Variants in PRR33 observed in about 807,000 individuals in gnomAD.
The protein encoded by PRR33 is proline-rich protein 33.
Under a neutral mutation model 0.5 loss-of-function variants are expected in PRR33, and 1 was observed. The ratio of observed to expected loss-of-function variants is 2.18; its 90% CI spans 0.77 to 10.34. The LOEUF (loss-of-function observed/expected upper bound fraction) is 10.34. Among genes scored for constraint, PRR33 ranks in the 30% most tolerant of loss-of-function variants. PRR33 has a pLI of 0.13. For synonymous variants in PRR33, 226 were observed against 110.0 expected (o/e 2.06, Z -6.60); for missense variants, 552 against 251.8 (o/e 2.19, Z -8.07).
chr11:1,913,303 T>G, the PRR33 span, among the ~76,000 whole-genome samples: 1 of 78,134 alleles, frequency 1.3e-5, no homozygotes, highest in Non-Finnish European at 2.8e-5. Context: ...ACTTTTTTGT[T>G]TTTTTTTTTT....
upstream of PRR33, among the ~76,000 whole-genome samples, chr11:1,895,236 G>A (rs1456962704): frequency 2.0e-5 from 3 of 152,124 alleles, no homozygotes; most frequent in Middle Eastern, 3.4e-3. Context: ...GGGTTCAAGC[G>A]ATTCTCCTGC....
chr11:1,895,427 G>C (rs1849113895), upstream of PRR33, among the ~76,000 whole-genome samples: 1 of 152,160 alleles, frequency 6.6e-6, no homozygotes, highest in Non-Finnish European at 1.5e-5. Flanking sequence ...GCCACCGTGA[G>C]AGTTCTTTGT....
the PRR33 span, among the ~76,000 whole-genome samples, chr11:1,907,638 T>C: frequency 1.3e-5 from 2 of 152,180 alleles, no homozygotes; most frequent in African/African-American, 4.8e-5. Flanking sequence ...CGTCTCGAAC[T>C]CCTAACCTCA....
the PRR33 span, among the ~76,000 whole-genome samples, chr11:1,909,061 C>T: frequency 6.6e-6 from 1 of 152,204 alleles, no homozygotes; most frequent in Non-Finnish European, 1.5e-5. Flanking sequence ...TAGGAAGAGC[C>T]CCCATCTACC....
the PRR33 span, among the ~76,000 whole-genome samples, chr11:1,914,507 C>T: frequency 6.9e-6 from 1 of 144,852 alleles, no homozygotes; most frequent in Non-Finnish European, 1.5e-5. Context: ...GTTGTGTAGT[C>T]ACACACCAGG....
the PRR33 span, among the ~76,000 whole-genome samples, chr11:1,914,757 T>C: frequency 7.0e-5 from 10 of 142,678 alleles, 1 homozygote; most frequent in Admixed American, 7.1e-4. Flanking sequence ...ACACCTGGGA[T>C]GTTTCTGTGT....
the PRR33 span, among the ~76,000 whole-genome samples, chr11:1,909,483 C>A: frequency 6.6e-6 from 1 of 152,138 alleles, no homozygotes; most frequent in Non-Finnish European, 1.5e-5. Flanking sequence ...TGGTGGCACG[C>A]GCCTGTAATC....
exon 1 of PRR33, chr11:1,889,682 G>A: frequency 1.6e-6 from 1 of 635,422 alleles, no homozygotes; most frequent in South Asian, 1.8e-5. Context: ...CAGCGGCGGG[G>A]CCAGCCATCG....
chr11:1,916,250 G>A, the PRR33 span, among the ~76,000 whole-genome samples: 1 of 152,108 alleles, frequency 6.6e-6, no homozygotes. Context: ...CCTTCGAGGA[G>A]CAGCACCCCA....
upstream of PRR33, among the ~76,000 whole-genome samples, chr11:1,894,769 A>C (rs1406992697): frequency 6.6e-6 from 1 of 152,152 alleles, no homozygotes; most frequent in Non-Finnish European, 1.5e-5. Context: ...TAATGTGGCC[A>C]TTTACATTCA....
the PRR33 span, among the ~76,000 whole-genome samples, chr11:1,898,265 C>T: frequency 4.6e-5 from 7 of 150,988 alleles, no homozygotes; most frequent in Admixed American, 3.3e-4. Context: ...GACCGAGTCT[C>T]GCTCCGTCGG....
chr11:1,905,135 T>A, the PRR33 span, among the ~76,000 whole-genome samples: 3 of 144,732 alleles, frequency 2.1e-5, no homozygotes, highest in Non-Finnish European at 4.5e-5. Context: ...TTTTTTTTTT[T>A]TTTTTTTTGG....
chr11:1,909,335 G>A, the PRR33 span, among the ~76,000 whole-genome samples: 3 of 152,064 alleles, frequency 2.0e-5, no homozygotes, highest in East Asian at 1.9e-4. Flanking sequence ...AGTTGGGGCC[G>A]GGCGCGGTGG....
chr11:1,894,369 G>A (rs1198005691), upstream of PRR33, among the ~76,000 whole-genome samples: 3 of 152,146 alleles, frequency 2.0e-5, no homozygotes, highest in Middle Eastern at 3.2e-3. Context: ...AAGTAGCTGG[G>A]ACCGCAGGTG....
the PRR33 span, among the ~76,000 whole-genome samples, chr11:1,897,067 G>T: frequency 2.0e-5 from 3 of 152,200 alleles, no homozygotes; most frequent in Non-Finnish European, 1.5e-5. This position sits in a 1 kb window ranked among gnomAD's most constrained non-coding sequence, Gnocchi z 4.0. Context: ...CACAGAAACC[G>T]CCAGAGGGGC....
chr11:1,911,184 T>A, the PRR33 span, among the ~76,000 whole-genome samples: 9 of 152,242 alleles, frequency 5.9e-5, no homozygotes, highest in South Asian at 2.1e-4. Flanking sequence ...GTGGCTCACG[T>A]CTGTAATCCC....
the PRR33 span, among the ~76,000 whole-genome samples, chr11:1,902,912 A>G: frequency 6.6e-6 from 1 of 152,066 alleles, no homozygotes; most frequent in Admixed American, 6.6e-5. Flanking sequence ...CATACAGGGT[A>G]ACTTCCTGAC....
At chr11:1,900,366 G>A in the PRR33 span, among the ~76,000 whole-genome samples, 1 of 152,102 alleles carries the variant, frequency 6.6e-6, no homozygotes, top group Non-Finnish European at 1.5e-5. Flanking sequence ...TGTTTTCTTG[G>A]TATTCAATTA....
At chr11:1,892,961 G>A (rs533228223), upstream of PRR33, among the ~76,000 whole-genome samples, 3 of 150,714 alleles carry the variant, frequency 2.0e-5, no homozygotes, top group African/African-American at 7.3e-5. Flanking sequence ...ATGGATAGAG[G>A]GATATGTGGA....
Sources: gnomAD v4.1 joint callset for allele counts (sites outside exome capture counted in the v4.1 genomes callset) on GRCh38, gnomAD v4.1.1 for gene constraint, Gnocchi (gnomAD v3.1) non-coding constraint, MANE v1.5 for transcripts, NCBI Gene and HGNC (gene_info 2026-07-23, HGNC 2026-07-21) for gene names.